The following CSMD1 variants were observed in gnomAD, a reference collection of about 807,000 sequenced individuals.
CSMD1 encodes the protein CUB and Sushi multiple domains 1.
Under a neutral mutation model 417.5 loss-of-function variants are expected in CSMD1, and 213 were observed. That is an observed-to-expected ratio of 0.51 (90% CI 0.46 to 0.57). The LOEUF (loss-of-function observed/expected upper bound fraction) is 0.57. Ranked by LOEUF, CSMD1 falls within the 20% of genes least tolerant of loss-of-function variation. The pLI, the probability that CSMD1 is intolerant of heterozygous loss-of-function variation, is 0.00. For synonymous variants in CSMD1, 2,862 were observed against 1,736.8 expected, an observed-to-expected ratio of 1.65 and a Z score of -16.11; for missense variants, 6,923 against 4,529.7, an observed-to-expected ratio of 1.53 and a Z score of -15.17.
intron 1 of CSMD1, among the ~76,000 whole-genome samples, chr8:4,905,034 A>T (rs903151064): frequency 6.6e-6 from 1 of 152,216 alleles, no homozygotes; most frequent in Non-Finnish European, 1.5e-5. Context: ...GAAATTAAAA[A>T]TAGCTGGGAC....
At chr8:3,271,002 T>G (rs1801809182) in intron 26 of CSMD1, among the ~76,000 whole-genome samples, 1 of 151,962 alleles carries the variant, frequency 6.6e-6, no homozygotes, top group Admixed American at 6.6e-5. Context: ...TATGTATACA[T>G]GTGCCATGCT....
At chr8:4,851,525 C>T (rs1030637977) in intron 1 of CSMD1, among the ~76,000 whole-genome samples, 3 of 151,978 alleles carry the variant, frequency 2.0e-5, no homozygotes, top group African/African-American at 7.3e-5. Flanking sequence ...TATACATTCT[C>T]CAGGGTTGAG....
At chr8:4,749,793 T>C (rs1811185375) in intron 1 of CSMD1, among the ~76,000 whole-genome samples, 1 of 152,176 alleles carries the variant, frequency 6.6e-6, no homozygotes, top group Non-Finnish European at 1.5e-5. Context: ...TCTGGGCCTG[T>C]ATGACACATT....
chr8:4,856,973 GCACCA>G (rs1036961801), intron 1 of CSMD1, among the ~76,000 whole-genome samples: 3 of 151,096 alleles, frequency 2.0e-5, no homozygotes, highest in Admixed American at 1.3e-4. Context: ...ATTTTTTTCA[GCACCA>G]CACCACACCT....
chr8:3,327,899 G>A (rs2654478), intron 23 of CSMD1, among the ~76,000 whole-genome samples: 107,868 of 151,924 alleles, frequency 0.71, 38,937 homozygotes, highest in African/African-American at 0.83. Context: ...ACTGTGACCC[G>A]GATCCTTTAA....
At chr8:3,987,852 G>A (rs957417949) in intron 5 of CSMD1, among the ~76,000 whole-genome samples, 1 of 152,192 alleles carries the variant, frequency 6.6e-6, no homozygotes, top group African/African-American at 2.4e-5. Flanking sequence ...CTGCCAAAAA[G>A]AAATGGTTCA....
intron 5 of CSMD1, among the ~76,000 whole-genome samples, chr8:3,918,220 G>T (rs1302370813): frequency 6.6e-6 from 1 of 151,998 alleles, no homozygotes; most frequent in Non-Finnish European, 1.5e-5. Context: ...CTGGAAGTGG[G>T]GATTGCTGGG....
chr8:4,761,378 G>A (rs995037967), intron 1 of CSMD1, among the ~76,000 whole-genome samples: 4 of 151,812 alleles, frequency 2.6e-5, no homozygotes, highest in African/African-American at 7.3e-5. Flanking sequence ...CTTGGTGTGT[G>A]TGTGTGTATA....
chr8:4,228,679 T>C (rs1444446907), intron 3 of CSMD1, among the ~76,000 whole-genome samples: 1 of 151,988 alleles, frequency 6.6e-6, no homozygotes, highest in African/African-American at 2.4e-5. Flanking sequence ...TTTATTTTAT[T>C]CATTTATTAT....
chr8:3,485,875 G>C (rs1158147613), intron 11 of CSMD1, among the ~76,000 whole-genome samples: 2 of 152,042 alleles, frequency 1.3e-5, no homozygotes, highest in Non-Finnish European at 2.9e-5. Context: ...ATATCAAGGT[G>C]AATATCCTGG....
At chr8:3,325,520 G>C (rs1192201329) in intron 23 of CSMD1, among the ~76,000 whole-genome samples, 1 of 152,280 alleles carries the variant, frequency 6.6e-6, no homozygotes, top group East Asian at 1.9e-4. Flanking sequence ...AGTTCCACTT[G>C]ATGAAAGTAA....
chr8:3,496,736 G>A (rs915842396), intron 10 of CSMD1, among the ~76,000 whole-genome samples: 6 of 152,206 alleles, frequency 3.9e-5, no homozygotes, highest in Non-Finnish European at 7.4e-5. Context: ...TGAGGCAGGA[G>A]AATCACTTGA....
chr8:3,600,499 A>G (rs1398717047), intron 8 of CSMD1, among the ~76,000 whole-genome samples: 1 of 152,222 alleles, frequency 6.6e-6, no homozygotes, highest in African/African-American at 2.4e-5. Context: ...AAGGGACGCC[A>G]AGTGTCAAAG....
At chr8:4,763,722 C>A (rs1812268866) in intron 1 of CSMD1, among the ~76,000 whole-genome samples, 1 of 152,112 alleles carries the variant, frequency 6.6e-6, no homozygotes, top group African/African-American at 2.4e-5. Flanking sequence ...AGAAAATATG[C>A]AATGTACTGG....
chr8:4,954,024 C>T (rs922073466), intron 1 of CSMD1, among the ~76,000 whole-genome samples: 7 of 152,034 alleles, frequency 4.6e-5, no homozygotes, highest in African/African-American at 1.7e-4. Flanking sequence ...CCCTTCCCAC[C>T]CACCTGTTAA....
At chr8:3,357,170 G>C (rs1031510367) in intron 21 of CSMD1, among the ~76,000 whole-genome samples, 3 of 152,190 alleles carry the variant, frequency 2.0e-5, no homozygotes, top group Admixed American at 6.5e-5. Context: ...GAATGCACCA[G>C]AGGGGCTGGA....
intron 1 of CSMD1, among the ~76,000 whole-genome samples, chr8:4,911,573 T>G (rs937658388): frequency 1.3e-5 from 2 of 152,214 alleles, no homozygotes; most frequent in African/African-American, 4.8e-5. Context: ...GCCCTCTACC[T>G]GCATCCAGGG....
intron 7 of CSMD1, among the ~76,000 whole-genome samples, chr8:3,641,219 C>T (rs1278640410): frequency 6.6e-6 from 1 of 151,890 alleles, no homozygotes; most frequent in African/African-American, 2.4e-5. Context: ...CCAGACTTTC[C>T]ACTTGGCTGC....
At chr8:3,742,664 C>A (rs373923159) in intron 6 of CSMD1, among the ~76,000 whole-genome samples, 2 of 152,028 alleles carry the variant, frequency 1.3e-5, no homozygotes, top group Non-Finnish European at 2.9e-5. Context: ...CTCCCATACA[C>A]CTACACTCAG....
Sources: gnomAD v4.1 joint callset for allele counts (sites outside exome capture counted in the v4.1 genomes callset) on GRCh38, gnomAD v4.1.1 for gene constraint, MANE v1.5 for transcripts, NCBI Gene and HGNC (gene_info 2026-07-23, HGNC 2026-07-21) for gene names.